ITGBL1: variants seen among roughly 807,000 people sequenced by gnomAD.
The protein encoded by ITGBL1 is integrin beta-like protein 1.
In ITGBL1, 51 loss-of-function variants were observed where a neutral mutation model predicts 68.5. The observed-to-expected ratio is 0.74, with a 90% CI of 0.59 to 0.94. ITGBL1 has a LOEUF of 0.94. Ranked by LOEUF, ITGBL1 falls within the 40% of genes least tolerant of loss-of-function variation. The pLI is 0.00. For synonymous variants in ITGBL1, 209 were observed against 227.3 expected, an observed-to-expected ratio of 0.92 and a Z score of 0.72; for missense variants, 649 against 647.4, an observed-to-expected ratio of 1.00 and a Z score of -0.03.
At chr13:101,649,016 T>C (rs115932915) in intron 7 of ITGBL1, among the ~76,000 whole-genome samples, 106 of 152,274 alleles carry the variant, frequency 7.0e-4, no homozygotes, top group African/African-American at 2.5e-3. Flanking sequence ...CTACATAAGA[T>C]TTTAAAGAGT....
intron 2 of ITGBL1, among the ~76,000 whole-genome samples, chr13:101,463,064 A>G (rs2048338614): frequency 6.6e-6 from 1 of 152,144 alleles, no homozygotes; most frequent in Non-Finnish European, 1.5e-5. Context: ...AGAGGGCAAT[A>G]ATAAGACCAA....
chr13:101,486,132 A>G (rs902180865), intron 2 of ITGBL1, among the ~76,000 whole-genome samples: 5 of 152,202 alleles, frequency 3.3e-5, no homozygotes, highest in African/African-American at 4.8e-5. Flanking sequence ...AAAATGTGGT[A>G]TATATACACC....
intron 9 of ITGBL1, chr13:101,713,545 T>G (rs1407544773): frequency 1.3e-5 from 2 of 152,190 alleles, no homozygotes; most frequent in East Asian, 3.8e-4. Flanking sequence ...ATTTGTTTCT[T>G]TTTCATTGTA....
intron 2 of ITGBL1, among the ~76,000 whole-genome samples, chr13:101,492,593 C>G (rs1482798156): frequency 6.6e-6 from 1 of 152,166 alleles, no homozygotes; most frequent in East Asian, 1.9e-4. Context: ...TGTGGGTCTA[C>G]TCCTCTGCCT....
Position 101,714,428 on chromosome 13 carries a change from G to GTAATT in ITGBL1, c.1280-8_1280-4dup, listed in dbSNP as rs756593896. 2 of 1,502,988 alleles carry GTAATT rather than the reference G, an allele frequency of 1.3e-6. No individual in the cohort carries two copies. Among genetic ancestry groups the GTAATT allele is most frequent in the African/African-American group, 2.7e-5 (2 of 72,900 alleles). The allele number at this position is 1,502,988 out of a possible 1,614,324, so 93.1% of individuals were successfully genotyped here. On this transcript the variant is annotated splice_polypyrimidine_tract_variant and intron_variant, in intron 9 of 10. Coordinates refer to ENST00000376180, the MANE Select transcript of ITGBL1 (RefSeq NM_004791.3). Reference sequence around the variant, plus strand: ...AAGGTGATGGTGAGTAATAGCCTTTGTAATTTCAGGTTCTTGTCATTGTGG... The same window carrying GTAATT: ...AAGGTGATGGTGAGTAATAGCCTTTGTAATTTAATTTCAGGTTCTTGTCATTGTGG...
intron 2 of ITGBL1, among the ~76,000 whole-genome samples, chr13:101,551,286 T>A (rs1255714936): frequency 6.6e-6 from 1 of 152,210 alleles, no homozygotes; most frequent in Non-Finnish European, 1.5e-5. Context: ...AGTCTTGGAA[T>A]GAAACCTACC....
At chr13:101,709,816 C>G (rs969440725) in intron 9 of ITGBL1, among the ~76,000 whole-genome samples, 4 of 152,190 alleles carry the variant, frequency 2.6e-5, no homozygotes, top group African/African-American at 7.2e-5. Context: ...ACTGCGAGTA[C>G]AGGAAGAACA....
At chr13:101,691,331 C>T (rs1188555922) in intron 7 of ITGBL1, among the ~76,000 whole-genome samples, 1 of 152,180 alleles carries the variant, frequency 6.6e-6, no homozygotes, top group African/African-American at 2.4e-5. Flanking sequence ...GTGACCCCAT[C>T]ATGTCAGCTA....
chr13:101,680,490 A>T (rs2033615581), intron 7 of ITGBL1, among the ~76,000 whole-genome samples: 1 of 151,810 alleles, frequency 6.6e-6, no homozygotes, highest in South Asian at 2.1e-4. Context: ...ATTTGATGAT[A>T]CAGTGCTCTC....
intron 9 of ITGBL1, among the ~76,000 whole-genome samples, chr13:101,707,738 A>G (rs1158101313): frequency 6.6e-6 from 1 of 151,740 alleles, no homozygotes; most frequent in African/African-American, 2.4e-5. Context: ...CTGTAATTAC[A>G]GTTACTTGAG....
At chr13:101,673,790 A>G (rs1037837615) in intron 7 of ITGBL1, among the ~76,000 whole-genome samples, 10 of 152,162 alleles carry the variant, frequency 6.6e-5, no homozygotes, top group African/African-American at 2.4e-4. Context: ...TGTCTATGAA[A>G]CTGATGAAGT....
At chr13:101,606,097 A>G (rs140131035) in intron 7 of ITGBL1, among the ~76,000 whole-genome samples, 1 of 35,750 alleles carries the variant, frequency 2.8e-5, no homozygotes, top group Non-Finnish European at 7.6e-5. Flanking sequence ...ATATATATAT[A>G]TGCTCTCTCT....
chr13:101,544,439 C>T (rs186342675), intron 2 of ITGBL1, among the ~76,000 whole-genome samples: 245 of 152,204 alleles, frequency 1.6e-3, no homozygotes, highest in African/African-American at 5.7e-3. Context: ...AGTACCTGGC[C>T]GTGTGAGGTG....
chr13:101,489,218 CAGAT>C (rs1208947650), intron 2 of ITGBL1, among the ~76,000 whole-genome samples: 4 of 152,258 alleles, frequency 2.6e-5, no homozygotes, highest in South Asian at 4.1e-4. Context: ...AAATTGTACA[CAGAT>C]AGAAGTTTAC....
At chr13:101,685,664 A>G (rs2033738053) in intron 7 of ITGBL1, among the ~76,000 whole-genome samples, 1 of 152,098 alleles carries the variant, frequency 6.6e-6, no homozygotes, top group African/African-American at 2.4e-5. Context: ...ATTTTCTAGA[A>G]TAGTGTCTTC....
chr13:101,472,114 T>C (rs1018779887), intron 2 of ITGBL1, among the ~76,000 whole-genome samples: 6 of 152,228 alleles, frequency 3.9e-5, no homozygotes, highest in African/African-American at 1.4e-4. Flanking sequence ...ATGTATTAAC[T>C]TCTGGATGTA....
chr13:101,478,247 C>T (rs543456657), intron 2 of ITGBL1, among the ~76,000 whole-genome samples: 1 of 151,850 alleles, frequency 6.6e-6, no homozygotes, highest in Non-Finnish European at 1.5e-5. Context: ...ATGATCATTT[C>T]AGTTGATACT....
chr13:101,622,605 A>G (rs1018735522), intron 7 of ITGBL1, among the ~76,000 whole-genome samples: 2 of 152,146 alleles, frequency 1.3e-5, no homozygotes, highest in African/African-American at 4.8e-5. Flanking sequence ...TATTTCTAAA[A>G]CCTAGAATCT....
At position 101,549,636 on chromosome 13, in the gene ITGBL1, T is replaced by A. The variant is rs954539560; in HGVS notation, c.317-18063T>A. ...GAGGAGAACTTCTAAGAAAATTTTT[T>A]AAAAGATTTTTTATATAACAAAAAC... On this transcript the variant is annotated intron_variant, in intron 2 of 10. Coordinates refer to ENST00000376180, the MANE Select transcript of ITGBL1 (RefSeq NM_004791.3). Among the ~76,000 whole-genome samples, 5 of 152,164 alleles carry A rather than the reference T, an allele frequency of 3.3e-5. No individual in the cohort carries two copies. The South Asian group carries it at 8.3e-4, about 25-fold the overall frequency.
Sources: allele counts gnomAD v4.1 joint callset (sites outside exome capture counted in the v4.1 genomes callset), GRCh38; gene constraint gnomAD v4.1.1; transcripts MANE v1.5; gene names NCBI Gene and HGNC (gene_info 2026-07-23, HGNC 2026-07-21).